Variants in ZMYND11 observed in about 807,000 individuals in gnomAD.
The protein encoded by ZMYND11 is zinc finger MYND domain-containing protein 11.
A neutral mutation model predicts 84.9 loss-of-function variants in ZMYND11; 9 were observed. The ratio of observed to expected loss-of-function variants is 0.11; its 90% CI spans 0.06 to 0.18. ZMYND11 has a LOEUF of 0.18. Ranked by LOEUF, ZMYND11 falls within the 10% of genes least tolerant of loss-of-function variation. ZMYND11 has a pLI of 1.00. For missense variants in ZMYND11, 409 were observed against 761.0 expected (o/e 0.54, Z 5.44); for synonymous variants, 250 against 244.1 (o/e 1.02, Z -0.23).
chr10:247,508 A>T (rs779015391), intron 12 of ZMYND11, 42 bp downstream of exon 12: 6 of 1,584,362 alleles, frequency 3.8e-6, no homozygotes, highest in East Asian at 4.5e-5. Flanking sequence ...CAAATGAAAC[A>T]GGAAATATTT....
chr10:170,710 G>A (rs542363065), intron 1 of ZMYND11, among the ~76,000 whole-genome samples: 2 of 152,220 alleles, frequency 1.3e-5, no homozygotes, highest in African/African-American at 4.8e-5. Flanking sequence ...GATAAGAAAG[G>A]AGAGAAAATT....
At chr10:171,635 A>G (rs1845345702) in intron 1 of ZMYND11, among the ~76,000 whole-genome samples, 1 of 152,186 alleles carries the variant, frequency 6.6e-6, no homozygotes, top group East Asian at 1.9e-4. Context: ...TCAAAATCAC[A>G]TGATCTTACC....
upstream of ZMYND11, among the ~76,000 whole-genome samples, chr10:130,552 T>A (rs1835292184): frequency 6.6e-6 from 1 of 152,228 alleles, no homozygotes. Context: ...ATTTTCTCAT[T>A]TAATCCTCTC....
intron 10 of ZMYND11, among the ~76,000 whole-genome samples, chr10:245,194 T>C (rs10508201): frequency 0.25 from 38,276 of 152,200 alleles, 6,041 homozygotes; most frequent in Non-Finnish European, 0.36. Flanking sequence ...TTATGCCAGA[T>C]GAGACATAGT....
intron 14 of ZMYND11, among the ~76,000 whole-genome samples, chr10:250,987 C>T (rs1953353620): frequency 6.6e-6 from 1 of 152,172 alleles, no homozygotes; most frequent in African/African-American, 2.4e-5. Context: ...TGTGCCACTG[C>T]ACTCCAGCCT....
intron 2 of ZMYND11, among the ~76,000 whole-genome samples, chr10:194,025 AC>A (rs1941118537): frequency 6.6e-6 from 1 of 152,034 alleles, no homozygotes; most frequent in South Asian, 2.1e-4. Context: ...CACCCTGTTA[AC>A]CAGGATGGAG....
At chr10:212,318 C>T (rs2131302107) in intron 3 of ZMYND11, among the ~76,000 whole-genome samples, 1 of 151,928 alleles carries the variant, frequency 6.6e-6, no homozygotes, top group South Asian at 2.1e-4. Context: ...TTTCTTCTGT[C>T]TAGATGAAAT....
chr10:227,428 T>A (rs1247160229), intron 4 of ZMYND11, among the ~76,000 whole-genome samples: 2 of 152,218 alleles, frequency 1.3e-5, no homozygotes, highest in Non-Finnish European at 2.9e-5. Flanking sequence ...AACTCACCAT[T>A]GGGAGTCCAC....
intron 11 of ZMYND11, 75 bp from the exon 12 acceptor site, chr10:247,323 T>C (rs1952354472): frequency 6.7e-7 from 1 of 1,499,266 alleles, no homozygotes. Flanking sequence ...CACCTGTGGG[T>C]CCACTATGAG....
intron 2 of ZMYND11, among the ~76,000 whole-genome samples, chr10:192,835 C>G (rs1940795458): frequency 6.6e-6 from 1 of 152,080 alleles, no homozygotes; most frequent in African/African-American, 2.4e-5. Context: ...TTTGGGTTTC[C>G]TCTTCTGTGA....
intron 2 of ZMYND11, among the ~76,000 whole-genome samples, chr10:200,573 G>A (rs1001352854): frequency 6.6e-6 from 1 of 151,500 alleles, no homozygotes; most frequent in Non-Finnish European, 1.5e-5. Flanking sequence ...CACCACTTCC[G>A]GCTGGAAGCA....
At chr10:145,093 A>C (rs1026995211) in intron 1 of ZMYND11, among the ~76,000 whole-genome samples, 1 of 150,922 alleles carries the variant, frequency 6.6e-6, no homozygotes. Context: ...TCTGCAAAAG[A>C]CGTTATTTTA....
chr10:199,233 CT>C (rs1295477313), intron 2 of ZMYND11, among the ~76,000 whole-genome samples: 1 of 151,656 alleles, frequency 6.6e-6, no homozygotes, highest in Non-Finnish European at 1.5e-5. Context: ...AACTCTCTCT[CT>C]CTCCCTTCCC....
intron 9 of ZMYND11, among the ~76,000 whole-genome samples, chr10:241,211 T>C (rs1039046546): frequency 3.3e-5 from 5 of 152,226 alleles, no homozygotes; most frequent in Non-Finnish European, 7.3e-5. Flanking sequence ...GGTCTCACTC[T>C]GTCGCCCAGG....
intron 1 of ZMYND11, among the ~76,000 whole-genome samples, chr10:152,293 C>A (rs1239501329): frequency 3.3e-5 from 5 of 152,024 alleles, no homozygotes; most frequent in African/African-American, 1.2e-4. Flanking sequence ...GAGTCGAGAC[C>A]CATCAGTGTG....
chr10:172,681 G>A (rs546519067), intron 1 of ZMYND11, among the ~76,000 whole-genome samples: 1 of 152,198 alleles, frequency 6.6e-6, no homozygotes, highest in African/African-American at 2.4e-5. Context: ...CCACTTTTAT[G>A]TATGGATTCA....
intron 3 of ZMYND11, among the ~76,000 whole-genome samples, chr10:216,295 A>G (rs1946185257): frequency 6.6e-6 from 1 of 152,140 alleles, no homozygotes; most frequent in African/African-American, 2.4e-5. Flanking sequence ...ACCCTTTTAT[A>G]TATATATGGC....
At chr10:155,820 G>C (rs1841568749) in intron 1 of ZMYND11, among the ~76,000 whole-genome samples, 2 of 152,168 alleles carry the variant, frequency 1.3e-5, no homozygotes, top group African/African-American at 4.8e-5. Context: ...TAACCAAAGA[G>C]GTCCTCGTTG....
intron 1 of ZMYND11, among the ~76,000 whole-genome samples, chr10:138,838 G>A (rs1836778655): frequency 6.6e-6 from 1 of 151,954 alleles, no homozygotes; most frequent in Admixed American, 6.6e-5. Flanking sequence ...ATTTAACACT[G>A]AATTTTCTTT....
Sources: gnomAD v4.1 joint callset for allele counts (sites outside exome capture counted in the v4.1 genomes callset) on GRCh38, gnomAD v4.1.1 for gene constraint, MANE v1.5 for transcripts, NCBI Gene and HGNC (gene_info 2026-07-23, HGNC 2026-07-21) for gene names.